ROBO2: variants seen among roughly 807,000 people sequenced by gnomAD.
The protein encoded by ROBO2 is roundabout homolog 2.
In ROBO2, 53 loss-of-function variants were observed where a neutral mutation model predicts 160.8. The ratio of observed to expected loss-of-function variants is 0.33; its 90% confidence interval spans 0.26 to 0.41. ROBO2 has a LOEUF of 0.41. Ranked by LOEUF, ROBO2 falls within the 10% of genes least tolerant of loss-of-function variation. ROBO2 has a pLI of 1.00. For synonymous variants in ROBO2, 664 were observed against 611.7 expected (o/e 1.09, Z -1.26); for missense variants, 1,577 against 1,722.4 (o/e 0.92, Z 1.49).
At chr3:76,993,010 G>A (rs1397541305) in intron 2 of ROBO2, among the ~76,000 whole-genome samples, 1 of 151,952 alleles carries the variant, frequency 6.6e-6, no homozygotes, top group Non-Finnish European at 1.5e-5. Flanking sequence ...TAGAGATGAT[G>A]TTTCACCATG....
chr3:76,758,586 TA>T (rs979865504), intron 2 of ROBO2, among the ~76,000 whole-genome samples: 2 of 151,850 alleles, frequency 1.3e-5, no homozygotes, highest in African/African-American at 4.8e-5. Flanking sequence ...GAAATTTTAC[TA>T]CCTGCTTTTT....
chr3:76,519,003 T>C (rs1332629177), intron 2 of ROBO2, among the ~76,000 whole-genome samples: 3 of 152,148 alleles, frequency 2.0e-5, no homozygotes, highest in African/African-American at 7.2e-5. Context: ...GGAATAAAAC[T>C]AACTCATTTG....
intron 2 of ROBO2, among the ~76,000 whole-genome samples, chr3:77,338,157 A>G (rs552522791): frequency 6.2e-4 from 95 of 152,326 alleles, no homozygotes; most frequent in East Asian, 9.7e-4. Flanking sequence ...TTAATATTCA[A>G]TACAAGTTAG....
At chr3:76,223,345 T>TA (rs1704091878) in intron 2 of ROBO2, among the ~76,000 whole-genome samples, 1 of 151,488 alleles carries the variant, frequency 6.6e-6, no homozygotes, top group Non-Finnish European at 1.5e-5. Flanking sequence ...CCCCCTCAGA[T>TA]AGAGATGAAA....
Position 75,927,983 on chromosome 3 carries a change from T to C in ROBO2, c.-13-9498T>C, listed in dbSNP as rs1189165838. 2.8e-3 allele frequency among the ~76,000 whole-genome samples: 380 copies of C among 134,508 alleles called. 22 individuals are homozygous for C. The highest frequency in any genetic ancestry group is 5.9e-3 in the Admixed American group (78 of 13,300). The allele number at this position is 134,508 out of a possible 152,430, so 88.2% of individuals were successfully genotyped here. ...TCTTTAATGATTTTCTCTCTTTTTT[T>C]TTTTTTTTTTTTTTTTTTTGAGACG... On this transcript the variant is annotated intron_variant, in intron 1 of 26. Transcript: ENST00000487694.
intron 1 of ROBO2, among the ~76,000 whole-genome samples, chr3:77,083,333 C>T (rs532744231): frequency 6.6e-6 from 1 of 152,240 alleles, no homozygotes; most frequent in African/African-American, 2.4e-5. Context: ...GTAAGATGAA[C>T]TTAGGAAAGT....
intron 2 of ROBO2, among the ~76,000 whole-genome samples, chr3:76,272,960 AT>A (rs377541727): frequency 0.61 from 31,646 of 52,020 alleles, 12,137 homozygotes; most frequent in Non-Finnish European, 0.77. Context: ...TATAATATAT[AT>A]TTATATATAA....
chr3:77,317,981 C>T (rs143301527), intron 2 of ROBO2, among the ~76,000 whole-genome samples: 1,664 of 151,422 alleles, frequency 0.011, 20 homozygotes, highest in Non-Finnish European at 0.018. Flanking sequence ...CTCCACATTG[C>T]GAAGAAGGTG....
chr3:77,170,101 T>G (rs954227450), intron 2 of ROBO2, among the ~76,000 whole-genome samples: 3 of 152,130 alleles, frequency 2.0e-5, no homozygotes, highest in Admixed American at 1.3e-4. Flanking sequence ...CCTGTCACCT[T>G]TTAAAGAGTG....
At chr3:77,252,599 A>G (rs1348614821) in intron 2 of ROBO2, among the ~76,000 whole-genome samples, 1 of 151,334 alleles carries the variant, frequency 6.6e-6, no homozygotes, top group East Asian at 2.0e-4. Flanking sequence ...TGAGGTCAGG[A>G]GATGGAGACC....
At chr3:77,310,982 T>A (rs1446580471) in intron 2 of ROBO2, among the ~76,000 whole-genome samples, 1 of 152,122 alleles carries the variant, frequency 6.6e-6, no homozygotes, top group African/African-American at 2.4e-5. Context: ...ATGAGTGAAT[T>A]GAAATGTCAT....
chr3:76,060,090 C>T (rs1327850396), intron 2 of ROBO2, among the ~76,000 whole-genome samples: 2 of 137,860 alleles, frequency 1.5e-5, no homozygotes, highest in Non-Finnish European at 3.0e-5. Flanking sequence ...TGATTTCCAA[C>T]AGAATCAGCT....
chr3:76,264,990 A>AC (rs1315098484), intron 2 of ROBO2, among the ~76,000 whole-genome samples: 1 of 152,048 alleles, frequency 6.6e-6, no homozygotes, highest in African/African-American at 2.4e-5. Context: ...AGAAAATACC[A>AC]CCTTGTGTTG....
rs555382149 is a variant in ROBO2 at position 76,428,489 on chromosome 3, G to C, written c.109+490887G>C. On this transcript the variant is annotated intron_variant, in intron 2 of 26. Coordinates refer to the ROBO2 transcript ENST00000487694. ...GTCTATTTCGAATGTTAAAGATTGT[G>C]TAGATTTTCACTGATAAAAGGAGAG... Among the ~76,000 whole-genome samples, 3 of 152,222 alleles carry C rather than the reference G, an allele frequency of 2.0e-5. No individual in the cohort carries two copies. The East Asian group carries it at 5.8e-4, about 29-fold the overall frequency.
At chr3:77,561,308 T>C (rs1443415488) in intron 9 of ROBO2, among the ~76,000 whole-genome samples, 1 of 152,180 alleles carries the variant, frequency 6.6e-6, no homozygotes, top group South Asian at 2.1e-4. Flanking sequence ...CATCACAGAA[T>C]ATTAATTCTA....
intron 21 of ROBO2, among the ~76,000 whole-genome samples, chr3:77,615,755 G>T (rs1229220108): frequency 6.6e-6 from 1 of 152,144 alleles, no homozygotes; most frequent in Non-Finnish European, 1.5e-5. Context: ...CATGTTGGTT[G>T]CTTCCAAATT....
At chr3:77,525,627 C>G (rs2091063638) in intron 6 of ROBO2, among the ~76,000 whole-genome samples, 1 of 150,900 alleles carries the variant, frequency 6.6e-6, no homozygotes, top group African/African-American at 2.4e-5. Flanking sequence ...CACATTTTAC[C>G]CATTTTTAAT....
intron 2 of ROBO2, among the ~76,000 whole-genome samples, chr3:76,249,316 CTG>C (rs1371282128): frequency 6.6e-6 from 1 of 152,054 alleles, no homozygotes; most frequent in Non-Finnish European, 1.5e-5. Context: ...GCGGTTAAAA[CTG>C]AGATTCTCAA....
At chr3:75,924,039 GT>G (rs1032749137) in intron 1 of ROBO2, among the ~76,000 whole-genome samples, 3 of 151,966 alleles carry the variant, frequency 2.0e-5, no homozygotes, top group Admixed American at 6.6e-5. Flanking sequence ...TTTAAAAATA[GT>G]TTTTTTTAGA....
Sources: gnomAD v4.1 joint callset for allele counts (sites outside exome capture counted in the v4.1 genomes callset) on GRCh38, gnomAD v4.1.1 for gene constraint, MANE v1.5 for transcripts, NCBI Gene and HGNC (gene_info 2026-07-23, HGNC 2026-07-21) for gene names.